Variants in GABRP observed in about 807,000 individuals in gnomAD.
GABRP encodes gamma-aminobutyric acid type A receptor subunit pi, also known as gamma-aminobutyric acid receptor subunit pi.
GABRP carries 52 observed loss-of-function variants against 47.8 expected under a neutral mutation model. The ratio of observed to expected loss-of-function variants is 1.09; its 90% confidence interval spans 0.87 to 1.37. The LOEUF (loss-of-function observed/expected upper bound fraction) is 1.37, where lower values mean the gene tolerates loss of function less well. GABRP is among the 40% of genes most tolerant of loss of function. The pLI, the probability that GABRP is intolerant of heterozygous loss-of-function variation, is 0.00. For synonymous variants in GABRP, 221 were observed against 205.8 expected (o/e 1.07, Z -0.63); for missense variants, 525 against 542.8 (o/e 0.97, Z 0.33).
chr5:170,789,963 GC>G (rs1428643520), intron 3 of GABRP, among the ~76,000 whole-genome samples: 1 of 152,004 alleles, frequency 6.6e-6, no homozygotes, highest in Non-Finnish European at 1.5e-5. Flanking sequence ...ATTCCTCCAG[GC>G]CCCATCCCCT....
At chr5:170,791,426 A>G (rs1765265967) in intron 3 of GABRP, among the ~76,000 whole-genome samples, 1 of 152,212 alleles carries the variant, frequency 6.6e-6, no homozygotes, top group Non-Finnish European at 1.5e-5. Context: ...TCCAAAAGAG[A>G]CAAGACCTTC....
Position 170,809,736 on chromosome 5 carries a change from A to T in GABRP, c.1001A>T (p.Gln334Leu). Reference protein sequence around the residue: ...YAVAHYSSLQQMAAKDRGTTK... With the variant: ...YAVAHYSSLQLMAAKDRGTTK... ...GTTGCTCACTACAGTTCCTTACAGC[A>T]GATGGCAGCCAAAGATAGGGTAAGA... The change falls in exon 9 of 10, where the codon CAG (glutamine) becomes CTG (leucine). Residue 334 changes from glutamine to leucine, a missense_variant. Coordinates refer to ENST00000265294, the MANE Select transcript of GABRP (RefSeq NM_014211.3). 3 of 1,598,442 alleles carry T rather than the reference A, an allele frequency of 1.9e-6. No homozygotes were observed.
In GABRP at chr5:170,809,566, A is replaced by G. The variant is rs1354068486; in HGVS notation, c.833-2A>G. On this transcript the variant is annotated splice_acceptor_variant, in intron 8 of 9. Coordinates refer to ENST00000265294, the MANE Select transcript of GABRP (RefSeq NM_014211.3). LOFTEE classifies it high-confidence loss of function. ...AGGAACATCCCCTGCCTGTTTTCCCAGGAGTGACGACCGTGTTATCAATGA... is the reference window on the plus strand; with the variant it reads ...AGGAACATCCCCTGCCTGTTTTCCCGGGAGTGACGACCGTGTTATCAATGA... The G allele has an allele frequency of 1.2e-6, 2 of 1,613,516 alleles. No individual in the cohort carries two copies. The highest frequency in any genetic ancestry group is 4.5e-5 in the East Asian group (2 of 44,874).
intron 2 of GABRP, 45 bp downstream of exon 2, chr5:170,788,713 G>A (rs1214299708): frequency 6.3e-7 from 1 of 1,584,510 alleles, no homozygotes; most frequent in Admixed American, 1.7e-5. Context: ...GCGTTGCTTT[G>A]CATTCGGGCA....
chr5:170,789,396 A>G (rs1765207119), intron 3 of GABRP, 149 bp downstream of exon 3: 5 of 602,066 alleles, frequency 8.3e-6, no homozygotes, highest in Non-Finnish European at 1.2e-5. Context: ...ATGGCTACCA[A>G]TGATTTTTCA....
At chr5:170,805,993 T>C in intron 7 of GABRP, 140 bp downstream of exon 7, 3 of 866,600 alleles carry the variant, frequency 3.5e-6, no homozygotes, top group South Asian at 1.8e-5. Context: ...TGCTGAGCAA[T>C]TCCACCTCCT....
Position 170,808,622 on chromosome 5 carries a change from A to C in GABRP, c.702A>C (p.Leu234Phe), listed in dbSNP as rs892561406. ...CAGGAAATTACACTAGATTGGTCTT[A>C]CAGTTTGAGCTTCGGAGGAATGTTC... ...QETGNYTRLV[L>F]QFELRRNVLY... Residue 234 changes from leucine (L) to phenylalanine (F), a missense_variant, in exon 8 of 10, where the codon TTA (leucine) becomes TTC (phenylalanine). Coordinates refer to ENST00000265294, the MANE Select transcript of GABRP (RefSeq NM_014211.3). The C allele has an allele frequency of 1.9e-6, 3 of 1,613,934 alleles. No individual in the cohort carries two copies. In the African/African-American group the frequency reaches 4.0e-5, roughly 22 times the overall value.
intron 7 of GABRP, among the ~76,000 whole-genome samples, chr5:170,807,254 T>G (rs1311601186): frequency 6.6e-6 from 1 of 152,180 alleles, no homozygotes; most frequent in Non-Finnish European, 1.5e-5. Flanking sequence ...GGCTTTATTT[T>G]CCAAAATTTA....
intron 3 of GABRP, among the ~76,000 whole-genome samples, chr5:170,792,464 A>AAGAG (rs1439552707): frequency 5.5e-4 from 83 of 152,152 alleles, no homozygotes; most frequent in Admixed American, 1.7e-3. Context: ...GAAAGAAAGA[A>AAGAG]AGACAGAAAA....
chr5:170,810,356 T>A (rs896598246), intron 9 of GABRP, among the ~76,000 whole-genome samples: 4 of 152,216 alleles, frequency 2.6e-5, no homozygotes, highest in African/African-American at 9.6e-5. Flanking sequence ...AAATACTATA[T>A]TATTTTAAAT....
intron 5 of GABRP, among the ~76,000 whole-genome samples, chr5:170,795,706 G>C (rs1581595271): frequency 6.6e-6 from 1 of 152,220 alleles, no homozygotes; most frequent in Non-Finnish European, 1.5e-5. Flanking sequence ...TGGTGCTGGG[G>C]CCCAAGTTAG....
rs1034893533 is a variant in GABRP, at chr5:170,809,476, C to A, written c.833-92C>A. 8.6e-6 allele frequency: 11 copies of A among 1,275,580 alleles called. No individual in the cohort carries two copies. The African/African-American group carries it at 1.3e-4, about 15-fold the overall frequency. 79.0% of individuals were successfully genotyped at this position (1,275,580 alleles called of 1,614,324 possible). The stretch of plus-strand genomic sequence containing the variant: ...ATTCCATTTCTGGGTCTTGCCCTCA[C>A]CCTGCCAATTCTCAAATGGGGACAC... On this transcript the variant is annotated intron_variant, in intron 8 of 9. Coordinates refer to ENST00000265294, the MANE Select transcript of GABRP (RefSeq NM_014211.3).
intron 3 of GABRP, among the ~76,000 whole-genome samples, chr5:170,793,042 G>A (rs986101006): frequency 2.0e-5 from 3 of 152,140 alleles, no homozygotes; most frequent in East Asian, 1.9e-4. Context: ...CGTGACTGAT[G>A]GACATGACGC....
chr5:170,803,830 G>T (rs560393301), intron 6 of GABRP, among the ~76,000 whole-genome samples: 18 of 152,274 alleles, frequency 1.2e-4, no homozygotes, highest in African/African-American at 4.1e-4. Flanking sequence ...AGGCTGGAGT[G>T]CAATGGCGCA....
intron 1 of GABRP, among the ~76,000 whole-genome samples, chr5:170,787,566 C>T (rs1415660585): frequency 2.6e-5 from 4 of 152,174 alleles, no homozygotes; most frequent in Non-Finnish European, 4.4e-5. Flanking sequence ...CAAGGATCCT[C>T]GGGTCAACTA....
At chr5:170,809,910 G>T in intron 9 of GABRP, 155 bp downstream of exon 9, 1 of 738,250 alleles carries the variant, frequency 1.4e-6, no homozygotes, top group Non-Finnish European at 2.4e-6. Context: ...GCAGCTGGAA[G>T]TCATGGTGCC....
Position 170,804,977 on chromosome 5 carries a change from A to ATATAT in GABRP, c.542-723_542-719dup, listed in dbSNP as rs35958756. Among the ~76,000 whole-genome samples the ATATAT allele has an allele frequency of 6.6e-4, 95 of 144,780 alleles. 1 individual carries two copies. Among genetic ancestry groups the ATATAT allele is most frequent in the Middle Eastern group, 7.4e-3 (2 of 272 alleles). 95.0% of individuals were successfully genotyped at this position (144,780 alleles called of 152,430 possible). On this transcript the variant is annotated intron_variant, in intron 6 of 9. Transcript: ENST00000265294. ...AAATACATATATACGTTTATATATT[A>ATATAT]TATATTATATTATATTATATATTAT...
intron 6 of GABRP, among the ~76,000 whole-genome samples, chr5:170,804,558 G>A (rs1443340055): frequency 6.6e-6 from 1 of 152,142 alleles, no homozygotes; most frequent in African/African-American, 2.4e-5. Flanking sequence ...TCTAATGGGT[G>A]TGAGGCATTT....
intron 6 of GABRP, among the ~76,000 whole-genome samples, chr5:170,805,047 A>G (rs1013927777): frequency 6.7e-6 from 1 of 148,250 alleles, no homozygotes; most frequent in Non-Finnish European, 1.5e-5. Flanking sequence ...ATAGATATAA[A>G]TCAACTACAA....
Sources: allele counts gnomAD v4.1 joint callset (sites outside exome capture counted in the v4.1 genomes callset), GRCh38; gene constraint gnomAD v4.1.1; transcripts MANE v1.5; gene names NCBI Gene and HGNC (gene_info 2026-07-23, HGNC 2026-07-21).